Variants in TKTL1 observed in about 807,000 individuals in gnomAD.
The protein encoded by TKTL1 is transketolase like 1.
Under a neutral mutation model 39.3 loss-of-function variants are expected in TKTL1, and 1 was observed. That is an observed-to-expected ratio of 0.03 (90% confidence interval 0.01 to 0.12). The LOEUF is 0.12. TKTL1 is among the 10% of genes least tolerant of loss of function. The pLI is 1.00. For synonymous variants in TKTL1, 262 were observed against 193.8 expected (o/e 1.35, Z -2.92); for missense variants, 575 against 509.6 (o/e 1.13, Z -1.24).
At chrX:154,297,546 G>A (rs1233245131) in intron 1 of TKTL1, among the ~76,000 whole-genome samples, 2 of 111,569 alleles carry the variant, frequency 1.8e-5, no homozygotes, top group Admixed American at 1.9e-4. Context: ...GTGAGCCACC[G>A]CGCCTGGCCT....
At chrX:154,306,219 G>T (rs2067313983) in intron 2 of TKTL1, among the ~76,000 whole-genome samples, 1 of 111,724 alleles carries the variant, frequency 9.0e-6, no homozygotes, top group African/African-American at 3.3e-5. Context: ...TGAGGCACAA[G>T]AATTGTTTGA....
At position 154,310,993 on chromosome X, in the gene TKTL1, A is replaced by G. The variant is rs367675006; in HGVS notation, c.508A>G (p.Ile170Val). ...HSGALPAEHC[I>V]NIYQRRCEAF... ...TGGTGCATTGCCCGCCGAGCACTGC[A>G]TAAACATCTATCAGAGGCGCTGCGA... is the stretch of plus-strand genomic sequence containing the variant. The change falls in exon 4 of 13, where the codon ATA becomes GTA. Residue 170 changes from isoleucine (I) to valine (V), a missense_variant. By Grantham distance (29) the Ile-to-Val change is conservative. Coordinates refer to ENST00000369915, the MANE Select transcript of TKTL1 (RefSeq NM_012253.4). 56 of 1,210,711 alleles carry G rather than the reference A, an allele frequency of 4.6e-5. No homozygotes were observed. The highest frequency in any genetic ancestry group is 1.8e-4 in the South Asian group (10 of 56,907).
intron 10 of TKTL1, among the ~76,000 whole-genome samples, chrX:154,325,811 C>A (rs989696012): frequency 9.0e-6 from 1 of 111,515 alleles, no homozygotes; most frequent in African/African-American, 3.3e-5. Context: ...TAGCGAGATT[C>A]CCATCTTTAC....
chrX:154,314,007 C>T (rs1026228530), intron 6 of TKTL1, among the ~76,000 whole-genome samples: 65 of 108,826 alleles, frequency 6.0e-4, no homozygotes, highest in Non-Finnish European at 6.3e-4. Context: ...GTGTAAAAAG[C>T]GGGGGGACCA....
At chrX:154,327,007 G>C (rs1411598733) in intron 10 of TKTL1, among the ~76,000 whole-genome samples, 1 of 112,007 alleles carries the variant, frequency 8.9e-6, no homozygotes, top group Admixed American at 9.5e-5. Flanking sequence ...AATAATTCCA[G>C]ATGCCTCCGA....
Position 154,311,634 on chromosome X carries a change from G to T in TKTL1, c.670+396G>T, listed in dbSNP as rs2067358447. ...CTCTTCTGGAAGAACCCTGGGAATT[G>T]GGGAAGACGGGAGCTTGGAATCACC... On this transcript the variant is annotated intron_variant, in intron 5 of 12. Coordinates refer to ENST00000369915, the MANE Select transcript of TKTL1 (RefSeq NM_012253.4). Among the ~76,000 whole-genome samples, 4 of 111,487 alleles carry T rather than the reference G, an allele frequency of 3.6e-5. 1 individual carries two copies. In the South Asian group the frequency reaches 1.5e-3, roughly 42 times the overall value.
intron 2 of TKTL1, among the ~76,000 whole-genome samples, chrX:154,307,451 G>C (rs1412652056): frequency 8.9e-6 from 1 of 112,429 alleles, no homozygotes; most frequent in African/African-American, 3.2e-5. Context: ...ACTCCAGGCA[G>C]AGCAGATCTT....
chrX:154,323,186 A>G (rs1184321118), intron 8 of TKTL1, 21 bp from the exon 9 acceptor site: 3 of 1,206,440 alleles, frequency 2.5e-6, no homozygotes, highest in African/African-American at 1.8e-5. Context: ...TCCTGTTTTC[A>G]TCGGGCTCTG....
intron 1 of TKTL1, among the ~76,000 whole-genome samples, chrX:154,297,078 C>T (rs1357730538): frequency 9.0e-6 from 1 of 111,146 alleles, no homozygotes; most frequent in African/African-American, 3.3e-5. Flanking sequence ...ATCGCTTGAG[C>T]CCAGGAGTTC....
At chrX:154,328,062 C>T in intron 12 of TKTL1, 104 bp downstream of exon 12, 4 of 1,017,906 alleles carry the variant, frequency 3.9e-6, no homozygotes, top group South Asian at 2.1e-5. Context: ...TACCTCTCAC[C>T]CAGCATGGCT....
In TKTL1 at chrX:154,312,417, C is replaced by G. The variant is rs782581617; in HGVS notation, c.671-163C>G. On this transcript the variant is annotated intron_variant, in intron 5 of 12. Coordinates refer to ENST00000369915, the MANE Select transcript of TKTL1 (RefSeq NM_012253.4). ...AAAAGCCTCAGGGCCTTTGTCCAAG[C>G]TGTTCTCTCTGGCTGCAGCAGCGTC... Among the ~76,000 whole-genome samples, 571 of 112,542 alleles carry G rather than the reference C, an allele frequency of 5.1e-3. 2 individuals are homozygous for G. Among genetic ancestry groups the G allele is most frequent in the Middle Eastern group, 0.018 (4 of 217 alleles).
intron 1 of TKTL1, among the ~76,000 whole-genome samples, chrX:154,301,425 G>T (rs1557165900): frequency 9.0e-6 from 1 of 111,135 alleles, no homozygotes; most frequent in Non-Finnish European, 1.9e-5. Context: ...GCCGAGGCAG[G>T]AAAATCACTT....
intron 1 of TKTL1, among the ~76,000 whole-genome samples, chrX:154,304,370 A>C (rs1256128956): frequency 9.0e-6 from 1 of 111,185 alleles, no homozygotes; most frequent in African/African-American, 3.3e-5. Context: ...TCAGCACCCC[A>C]AAACCATTCA....
intron 1 of TKTL1, among the ~76,000 whole-genome samples, chrX:154,298,640 A>T (rs1299711800): frequency 9.0e-6 from 1 of 111,135 alleles, no homozygotes; most frequent in Non-Finnish European, 1.9e-5. Flanking sequence ...GGCTGCAGTG[A>T]GCCATGTTTG....
chrX:154,317,908 G>A (rs1334306166), intron 7 of TKTL1, among the ~76,000 whole-genome samples: 1 of 111,073 alleles, frequency 9.0e-6, no homozygotes, highest in Non-Finnish European at 1.9e-5. Flanking sequence ...GTGGGCCTGG[G>A]GGGTTGGGGC....
chrX:154,320,522 A>G, intron 7 of TKTL1: 1 of 400,590 alleles, frequency 2.5e-6, no homozygotes. Flanking sequence ...CCAGGAGGGC[A>G]GGCAAGAGAG....
intron 1 of TKTL1, among the ~76,000 whole-genome samples, chrX:154,298,408 C>A (rs370787664): frequency 2.5e-4 from 28 of 111,594 alleles, no homozygotes; most frequent in African/African-American, 8.5e-4. Context: ...GTTTTGTTGA[C>A]CTTTTATAAA....
chrX:154,327,743 GC>G, intron 11 of TKTL1, 56 bp downstream of exon 11: 2 of 1,187,405 alleles, frequency 1.7e-6, no homozygotes, highest in Non-Finnish European at 2.3e-6. Flanking sequence ...TAGGACTTCA[GC>G]TACCTCCTGT....
chrX:154,303,748 C>G (rs1476784531), intron 1 of TKTL1, among the ~76,000 whole-genome samples: 2 of 107,870 alleles, frequency 1.9e-5, no homozygotes, highest in Non-Finnish European at 3.8e-5. Flanking sequence ...AGAGCAGAAA[C>G]CTCTCACTTG....
Sources: gnomAD v4.1 joint callset for allele counts (sites outside exome capture counted in the v4.1 genomes callset) on GRCh38, gnomAD v4.1.1 for gene constraint, MANE v1.5 for transcripts, NCBI Gene and HGNC (gene_info 2026-07-23, HGNC 2026-07-21) for gene names.